Variants in IGLON5 observed in about 807,000 individuals in gnomAD.
IGLON5 encodes IgLON family member 5, also known as Ig-like domain-containing protein ENSP00000270642.
IGLON5 carries 16 observed loss-of-function variants against 38.2 expected under a neutral mutation model. The observed-to-expected ratio is 0.42, with a 90% CI of 0.28 to 0.64. The LOEUF is 0.64. Among genes scored for constraint, IGLON5 ranks in the 30% least tolerant of loss-of-function variants. The pLI is 0.23. For missense variants in IGLON5, 366 were observed against 483.4 expected (o/e 0.76, Z 2.28); for synonymous variants, 207 against 216.4 (o/e 0.96, Z 0.38).
chr19:51,315,852 C>T (rs1031873590), intron 1 of IGLON5, among the ~76,000 whole-genome samples: 1 of 151,870 alleles, frequency 6.6e-6, no homozygotes, highest in Non-Finnish European at 1.5e-5. Flanking sequence ...CCCACCACCA[C>T]GCCTGGCTAA....
intron 1 of IGLON5, among the ~76,000 whole-genome samples, chr19:51,313,714 T>C (rs1239069900): frequency 1.4e-5 from 2 of 141,472 alleles, no homozygotes; most frequent in African/African-American, 2.5e-5. Flanking sequence ...TCTCTTTTTT[T>C]CTTTCTTTTT....
In IGLON5 at chr19:51,311,869, G is replaced by T. The variant is rs1984772062; in HGVS notation, c.22G>T (p.Ala8Ser). 7.4e-7 allele frequency: 1 copy of T among 1,345,200 alleles called. No individual in the cohort carries two copies. The highest frequency in any genetic ancestry group is 1.5e-5 in the African/African-American group (1 of 65,366). The allele number at this position is 1,345,200 out of a possible 1,614,324, so 83.3% of individuals were successfully genotyped here. ...CGCGATGCCCCCCCCTGCGCCCGGGGCCCGGCTCCGGCTTCTCGCCGCCGC... is the reference window on the plus strand; with the variant it reads ...CGCGATGCCCCCCCCTGCGCCCGGGTCCCGGCTCCGGCTTCTCGCCGCCGC... MPPPAPGARLRLLAAAAL... is the reference protein window; with the variant it reads MPPPAPGSRLRLLAAAAL... Residue 8 changes from alanine (A) to serine (S), a missense_variant, in exon 1 of 8, where the codon GCC (alanine) becomes TCC (serine). By Grantham distance (99) the Ala-to-Ser change is moderately conservative. Transcript: ENST00000270642.
Position 51,330,819 on chromosome 19 carries a change from A to G in IGLON5, c.*2060A>G, listed in dbSNP as rs1985339590. ...GTCCATGATTATATATCATTTGAGC[A>G]GCTGGATCAAAACTTAACTGATGCC... is the stretch of plus-strand genomic sequence containing the variant. On this transcript the variant is annotated 3_prime_UTR_variant, in exon 8 of 8. Coordinates refer to ENST00000270642, the MANE Select transcript of IGLON5 (RefSeq NM_001101372.3). 6.6e-6 allele frequency among the ~76,000 whole-genome samples: 1 copy of G among 152,232 alleles called. No individual in the cohort carries two copies. Among genetic ancestry groups the G allele is most frequent in the East Asian group, 1.9e-4 (1 of 5,198 alleles).
intron 1 of IGLON5, among the ~76,000 whole-genome samples, chr19:51,320,510 C>G (rs916862857): frequency 2.6e-5 from 4 of 152,240 alleles, no homozygotes; most frequent in African/African-American, 7.2e-5. Context: ...TGGCCCTGGT[C>G]CAGCCCGCTG....
At chr19:51,322,888 A>G (rs548448176) in intron 2 of IGLON5, among the ~76,000 whole-genome samples, 1 of 105,762 alleles carries the variant, frequency 9.5e-6, no homozygotes, top group East Asian at 3.0e-4. Context: ...TTCTCTGGGT[A>G]TCTGTCCCAC....
rs535675053 is a variant in IGLON5 at position 51,325,521 on chromosome 19, C to T, written c.511+56C>T. The T allele has an allele frequency of 1.3e-3, 2,049 of 1,518,504 alleles. 9 individuals are homozygous for T. Among genetic ancestry groups the T allele is most frequent in the Non-Finnish European group, 1.3e-3 (1,492 of 1,129,794 alleles). 94.1% of individuals were successfully genotyped at this position (1,518,504 alleles called of 1,614,324 possible). The stretch of plus-strand genomic sequence containing the variant: ...GTCCCCCACTGCGCAGTCTGGGCCC[C>T]TCCATTCCCCATATCCCTAGCTAGT... On this transcript the variant is annotated intron_variant, in intron 4 of 7. Coordinates refer to ENST00000270642, the MANE Select transcript of IGLON5 (RefSeq NM_001101372.3). The surrounding 1 kb of genome is among the most constrained non-coding windows in gnomAD (Gnocchi z 5.5).
Position 51,325,389 on chromosome 19 carries a change from TGA to T in IGLON5, c.437_438del (p.Glu146GlyfsTer38). ...VNISSPVTVN[E>X]GGNVNLLCLA... ...ACATCTCGTCGCCTGTGACGGTGAATGAGGGGGGCAATGTGAACCTGCTTTGC... is the reference window on the plus strand; with the variant it reads ...ACATCTCGTCGCCTGTGACGGTGAATGGGGGGCAATGTGAACCTGCTTTGC... On this transcript the variant is annotated frameshift_variant, in exon 4 of 8. Transcript: ENST00000270642. LOFTEE classifies it high-confidence loss of function. This position sits in a 1 kb window ranked among gnomAD's most constrained non-coding sequence, Gnocchi z 5.5. 1 of 1,613,786 alleles carries T rather than the reference TGA, an allele frequency of 6.2e-7. No homozygotes were observed. The highest frequency in any genetic ancestry group is 8.5e-7 in the Non-Finnish European group (1 of 1,179,812).
rs1985165709 is a variant in IGLON5, at chr19:51,324,531, A to G, written c.391+637A>G. Among the ~76,000 whole-genome samples, 1 of 152,082 alleles carries G rather than the reference A, an allele frequency of 6.6e-6. No homozygotes were observed. Among genetic ancestry groups the G allele is most frequent in the Non-Finnish European group, 1.5e-5 (1 of 68,006 alleles). On this transcript the variant is annotated intron_variant, in intron 3 of 7. Transcript: ENST00000270642. The surrounding 1 kb of genome is among the most constrained non-coding windows in gnomAD (Gnocchi z 4.2). Reference sequence around the variant, plus strand: ...AGAGAGAATCCAGGGGGATCCTGGCAAGCTCCAACTCTGGAGCCAGACTGC... The same window carrying G: ...AGAGAGAATCCAGGGGGATCCTGGCGAGCTCCAACTCTGGAGCCAGACTGC...
intron 1 of IGLON5, among the ~76,000 whole-genome samples, chr19:51,320,799 T>C (rs1372234385): frequency 2.0e-5 from 3 of 152,228 alleles, no homozygotes; most frequent in Admixed American, 6.5e-5. Flanking sequence ...ATATGTGTTA[T>C]CTACATGCAT....
intron 1 of IGLON5, among the ~76,000 whole-genome samples, chr19:51,320,961 T>C (rs1168484251): frequency 6.6e-6 from 1 of 152,174 alleles, no homozygotes; most frequent in Admixed American, 6.5e-5. Context: ...CATCTTTGCA[T>C]AGGTACATGT....
intron 5 of IGLON5, 59 bp downstream of exon 5, chr19:51,326,957 A>T: frequency 6.4e-7 from 1 of 1,571,428 alleles, no homozygotes; most frequent in African/African-American, 1.4e-5. Flanking sequence ...CCTGGGGAGG[A>T]GGGATCTGGG....
At chr19:51,328,074 T>G (rs372682656) in intron 7 of IGLON5, among the ~76,000 whole-genome samples, 188 bp downstream of exon 7, 143 of 152,312 alleles carry the variant, frequency 9.4e-4, no homozygotes, top group African/African-American at 3.0e-3. Flanking sequence ...GCTAAGGGTT[T>G]GTCGTGGGGG....
At position 51,322,073 on chromosome 19, in the gene IGLON5, C is replaced by G. The variant is rs752628449; in HGVS notation, c.89C>G (p.Ser30Cys). The G allele has an allele frequency of 8.7e-6, 14 of 1,613,116 alleles. No homozygotes were observed. The Admixed American group carries it at 1.5e-4, about 17-fold the overall frequency. The change falls in exon 2 of 8, where the codon TCC becomes TGC. Residue 30 changes from serine to cysteine, a missense_variant. Transcript: ENST00000270642. The stretch of plus-strand genomic sequence containing the variant: ...CCCCCACCTTCCACAGGGCTGCTCT[C>G]CCAGAGCCTGGAGTTCAACTCTCCT... The part of the protein sequence containing the change: ...GLAVISRGLL[S>C]QSLEFNSPAD...
Position 51,325,415 on chromosome 19 carries a change from G to A in IGLON5, c.461G>A (p.Cys154Tyr). 1.2e-6 allele frequency: 2 copies of A among 1,613,850 alleles called. No homozygotes were observed. Among genetic ancestry groups the A allele is most frequent in the Non-Finnish European group, 1.7e-6 (2 of 1,179,788 alleles). Residue 154 changes from cysteine to tyrosine, a missense_variant, in exon 4 of 8, where the codon TGC becomes TAC. By Grantham distance (194) the Cys-to-Tyr change is radical. Coordinates refer to ENST00000270642, the MANE Select transcript of IGLON5 (RefSeq NM_001101372.3). The surrounding 1 kb of genome is among the most constrained non-coding windows in gnomAD (Gnocchi z 5.5). ...VNEGGNVNLL[C>Y]LAVGRPEPTV... Reference sequence around the variant, plus strand: ...GAGGGGGGCAATGTGAACCTGCTTTGCCTGGCCGTGGGGCGGCCAGAGCCC... The same window carrying A: ...GAGGGGGGCAATGTGAACCTGCTTTACCTGGCCGTGGGGCGGCCAGAGCCC...
intron 2 of IGLON5, among the ~76,000 whole-genome samples, chr19:51,322,671 GGA>G (rs1985097743): frequency 7.2e-6 from 1 of 139,056 alleles, no homozygotes; most frequent in African/African-American, 2.7e-5. Context: ...CCCTCTCTCT[GGA>G]TCTGTCTCTG....
rs562510135 is a variant in IGLON5 at position 51,314,882 on chromosome 19, G to A, written c.79+2956G>A. 8.7e-4 allele frequency among the ~76,000 whole-genome samples: 132 copies of A among 152,236 alleles called. 5 individuals carry two copies. The highest frequency in any genetic ancestry group is 1.1e-3 in the Non-Finnish European group (74 of 68,024). On this transcript the variant is annotated intron_variant, in intron 1 of 7. Coordinates refer to ENST00000270642, the MANE Select transcript of IGLON5 (RefSeq NM_001101372.3). ...TCACAACCACTGTCTTGAGAGAACC[G>A]GTCTGTGGCTGGAGTGCATCCTTCC...
chr19:51,328,678 A>G lies in IGLON5; in HGVS notation c.930A>G (p.Gly310=). Residue 310 remains glycine (G), a synonymous_variant, in exon 8 of 8, where the codon GGA becomes GGG. Transcript: ENST00000270642. ...CCCCTTCTCTTCCCCCAGGCCCAGG[A>G]TCCCTGGAGAACTCAGCCCCGAGGC... is the stretch of plus-strand genomic sequence containing the variant. The part of the protein sequence containing the change: ...SSASMRLLRP[G]SLENSAPRPP... 1 of 1,578,198 alleles carries G rather than the reference A, an allele frequency of 6.3e-7. No individual in the cohort carries two copies. The highest frequency in any genetic ancestry group is 8.6e-7 in the Non-Finnish European group (1 of 1,162,226).
At chr19:51,313,939 A>T (rs2123509866) in intron 1 of IGLON5, among the ~76,000 whole-genome samples, 1 of 151,528 alleles carries the variant, frequency 6.6e-6, no homozygotes, top group East Asian at 2.0e-4. Context: ...TATTGCCCAG[A>T]CTAGTCTCAA....
intron 1 of IGLON5, among the ~76,000 whole-genome samples, chr19:51,315,024 C>G (rs923528891): frequency 1.3e-5 from 2 of 152,200 alleles, no homozygotes; most frequent in Non-Finnish European, 2.9e-5. Context: ...AAGCCCATTT[C>G]TCTGCAATCG....
Sources: allele counts gnomAD v4.1 joint callset (sites outside exome capture counted in the v4.1 genomes callset), GRCh38; gene constraint gnomAD v4.1.1; non-coding constraint Gnocchi (gnomAD v3.1); transcripts MANE v1.5; gene names NCBI Gene and HGNC (gene_info 2026-07-23, HGNC 2026-07-21).